RHBDL3: variants seen among roughly 807,000 people sequenced by gnomAD.
The protein encoded by RHBDL3 is rhomboid-related protein 3.
RHBDL3 carries 28 observed loss-of-function variants against 48.2 expected under a neutral mutation model. The ratio of observed to expected loss-of-function variants is 0.58; its 90% confidence interval spans 0.43 to 0.80. The LOEUF is 0.80. Among genes scored for constraint, RHBDL3 ranks in the 30% least tolerant of loss-of-function variants. The probability of loss-of-function intolerance (pLI) is 0.00; values close to 1 mark genes in which losing one functional copy is unlikely to be tolerated. For missense variants in RHBDL3, 464 were observed against 542.7 expected (o/e 0.85, Z 1.44); for synonymous variants, 208 against 232.3 (o/e 0.90, Z 0.95).
intron 8 of RHBDL3, among the ~76,000 whole-genome samples, chr17:32,320,306 C>G (rs796464728): frequency 3.9e-5 from 6 of 152,068 alleles, no homozygotes; most frequent in African/African-American, 1.4e-4. Context: ...GTCAATTCAG[C>G]AGTTTGTTGG....
chr17:32,283,603 T>C (rs141966136), intron 2 of RHBDL3, among the ~76,000 whole-genome samples: 1 of 152,056 alleles, frequency 6.6e-6, no homozygotes, highest in Non-Finnish European at 1.5e-5. Flanking sequence ...GATTACAGGC[T>C]TGAGCCACTG....
Position 32,265,878 on chromosome 17 carries a change from G to A in RHBDL3, c.-312G>A, listed in dbSNP as rs181981646. On this transcript the variant is annotated 5_prime_UTR_variant, in exon 1 of 9. Coordinates refer to ENST00000269051, the MANE Select transcript of RHBDL3 (RefSeq NM_138328.3). ...GCGGGAAGGGAGCGCGGGGAGCGGC[G>A]GGGCCGGGGCCGGCCCAAGGGCGCC... 0.022 allele frequency among the ~76,000 whole-genome samples: 3,254 copies of A among 147,286 alleles called. 107 individuals carry two copies. Among genetic ancestry groups the A allele is most frequent in the African/African-American group, 0.075 (3,084 of 41,046 alleles).
chr17:32,277,053 C>T (rs2039931128), intron 2 of RHBDL3, among the ~76,000 whole-genome samples: 1 of 152,220 alleles, frequency 6.6e-6, no homozygotes, highest in Non-Finnish European at 1.5e-5. Flanking sequence ...GGTGTGTGTA[C>T]ATGGGAGAAG....
At chr17:32,317,497 G>C (rs73270694) in intron 8 of RHBDL3, among the ~76,000 whole-genome samples, 5 of 152,188 alleles carry the variant, frequency 3.3e-5, no homozygotes, top group Non-Finnish European at 5.9e-5. Flanking sequence ...CTGAGTGTTA[G>C]AGGCAAGCAG....
chr17:32,294,548 G>T, intron 5 of RHBDL3, 106 bp downstream of exon 5: 1 of 1,164,102 alleles, frequency 8.6e-7, no homozygotes, highest in Non-Finnish European at 1.2e-6. Flanking sequence ...TATCTATTTG[G>T]ACATAGGATT....
intron 7 of RHBDL3, among the ~76,000 whole-genome samples, chr17:32,306,313 A>G (rs2040709767): frequency 6.6e-6 from 1 of 152,178 alleles, no homozygotes; most frequent in African/African-American, 2.4e-5. Context: ...AGTCCCAGCT[A>G]CTTGGGAGGC....
chr17:32,269,440 C>T (rs556003508), intron 2 of RHBDL3, among the ~76,000 whole-genome samples: 3 of 152,328 alleles, frequency 2.0e-5, no homozygotes, highest in African/African-American at 7.2e-5. Context: ...AGGAGCCAGC[C>T]GGTTGCAGAT....
At chr17:32,267,445 G>GGGGGT (rs2039664677) in intron 1 of RHBDL3, among the ~76,000 whole-genome samples, 1 of 151,652 alleles carries the variant, frequency 6.6e-6, no homozygotes, top group African/African-American at 2.4e-5. Flanking sequence ...GGGGAGGGGG[G>GGGGGT]GGCTCTAGCT....
chr17:32,275,477 G>A (rs1208899720), intron 2 of RHBDL3, among the ~76,000 whole-genome samples: 1 of 152,200 alleles, frequency 6.6e-6, no homozygotes, highest in African/African-American at 2.4e-5. Flanking sequence ...GAAGGAATAG[G>A]CCCAGTGGAG....
In RHBDL3 at chr17:32,284,698, T is replaced by C; in HGVS notation, c.175T>C (p.Phe59Leu). Residue 59 changes from phenylalanine (F) to leucine (L), a missense_variant, in exon 3 of 9, where the codon TTC becomes CTC. Physicochemically the swap from Phe to Leu is conservative, Grantham distance 22 (BLOSUM62 0). Transcript: ENST00000269051. Reference sequence around the variant, plus strand: ...CACAGGCTACATTAGCACAGGCAAGTTCCGGAGTCTTCTGGAGAGCCACAG... The same window carrying C: ...CACAGGCTACATTAGCACAGGCAAGCTCCGGAGTCTTCTGGAGAGCCACAG... ...GNTGYISTGK[F>L]RSLLESHSSK... is the part of the protein sequence containing the mutation. 6.2e-7 allele frequency: 1 copy of C among 1,614,156 alleles called. No individual in the cohort carries two copies. The highest frequency in any genetic ancestry group is 8.5e-7 in the Non-Finnish European group (1 of 1,180,002).
chr17:32,271,108 C>T (rs1301641061), intron 2 of RHBDL3, among the ~76,000 whole-genome samples: 1 of 152,114 alleles, frequency 6.6e-6, no homozygotes, highest in Admixed American at 6.6e-5. Context: ...CTTTTCCTTC[C>T]TGATTCCTTC....
intron 2 of RHBDL3, among the ~76,000 whole-genome samples, chr17:32,283,361 G>A (rs2040106602): frequency 9.1e-6 from 1 of 109,766 alleles, no homozygotes; most frequent in Non-Finnish European, 1.7e-5. Flanking sequence ...TCGCTGTGTT[G>A]CCCAGGCTGG....
chr17:32,318,906 T>A (rs562120480), intron 8 of RHBDL3, among the ~76,000 whole-genome samples: 1 of 152,284 alleles, frequency 6.6e-6, no homozygotes, highest in East Asian at 1.9e-4. Flanking sequence ...GGTCTGCCCC[T>A]GACCCTCTGT....
intron 2 of RHBDL3, among the ~76,000 whole-genome samples, chr17:32,269,539 G>C (rs533330565): frequency 6.6e-6 from 1 of 152,336 alleles, no homozygotes; most frequent in East Asian, 1.9e-4. Context: ...CACGAGGTCT[G>C]GCTGTGGTTT....
intron 7 of RHBDL3, among the ~76,000 whole-genome samples, chr17:32,309,083 CCTTT>C (rs1336090962): frequency 6.6e-6 from 1 of 151,670 alleles, no homozygotes; most frequent in Non-Finnish European, 1.5e-5. Flanking sequence ...AAAAAATTGC[CCTTT>C]CTATGGGCCA....
rs554470386 is a variant in RHBDL3 at position 32,285,163 on chromosome 17, G to A, written c.294+346G>A. On this transcript the variant is annotated intron_variant, in intron 3 of 8. Coordinates refer to ENST00000269051, the MANE Select transcript of RHBDL3 (RefSeq NM_138328.3). Reference sequence around the variant, plus strand: ...GAGGGAGGGAGGGATGGAGGGAAGGGGAGAGAGAAGAGGAGGGGAGGGGAG... The same window carrying A: ...GAGGGAGGGAGGGATGGAGGGAAGGAGAGAGAGAAGAGGAGGGGAGGGGAG... 5.9e-5 allele frequency among the ~76,000 whole-genome samples: 9 copies of A among 152,192 alleles called. No individual in the cohort carries two copies. In the South Asian group the frequency reaches 1.5e-3, roughly 25 times the overall value.
rs2041204487 is a variant in RHBDL3, at chr17:32,324,113, T to A, written c.*2884T>A. ...GATACAGAAACTGAAAGCTGGGGAA[T>A]CCCCAAACAGCAGCCATAGACTCAC... On this transcript the variant is annotated 3_prime_UTR_variant, in exon 9 of 9. Coordinates refer to ENST00000269051, the MANE Select transcript of RHBDL3 (RefSeq NM_138328.3). 6.6e-6 allele frequency: 1 copy of A among 152,374 alleles called. No homozygotes were observed. The highest frequency in any genetic ancestry group is 2.1e-4 in the South Asian group (1 of 4,830). 9.4% of individuals were successfully genotyped at this position (152,374 alleles called of 1,614,324 possible).
At chr17:32,284,382 C>A (rs59205510) in intron 2 of RHBDL3, 50,778 of 368,104 alleles carry the variant, frequency 0.14, 3,973 homozygotes, top group African/African-American at 0.19. Flanking sequence ...GCACTTCCCT[C>A]TCCATGGTGA....
chr17:32,285,792 C>T (rs1454188082), intron 3 of RHBDL3, among the ~76,000 whole-genome samples: 3 of 152,104 alleles, frequency 2.0e-5, no homozygotes, highest in African/African-American at 7.2e-5. Context: ...TGTGAAGCGC[C>T]CCAGACTCCT....
Sources: gnomAD v4.1 joint callset for allele counts (sites outside exome capture counted in the v4.1 genomes callset) on GRCh38, gnomAD v4.1.1 for gene constraint, MANE v1.5 for transcripts, NCBI Gene and HGNC (gene_info 2026-07-23, HGNC 2026-07-21) for gene names.